The following ACSS3 variants were observed in gnomAD, a reference collection of about 807,000 sequenced individuals.
ACSS3 encodes the protein acyl-CoA synthetase short-chain family member 3, mitochondrial.
ACSS3 carries 64 observed loss-of-function variants against 84.2 expected under a neutral mutation model. That is an observed-to-expected ratio of 0.76 (90% CI 0.62 to 0.94). ACSS3 has a LOEUF of 0.94. Among genes scored for constraint, ACSS3 ranks in the 40% least tolerant of loss-of-function variants. The probability of loss-of-function intolerance (pLI) is 0.00; values close to 1 mark genes in which losing one functional copy is unlikely to be tolerated. For synonymous variants in ACSS3, 317 were observed against 310.1 expected (o/e 1.02, Z -0.23); for missense variants, 815 against 867.6 (o/e 0.94, Z 0.76).
chr12:81,112,790 C>T (rs930569404), intron 2 of ACSS3, among the ~76,000 whole-genome samples: 1 of 152,126 alleles, frequency 6.6e-6, no homozygotes, highest in Non-Finnish European at 1.5e-5. Context: ...GTTTTACTCT[C>T]CCATGTTTCA....
At chr12:81,167,604 G>A (rs966430570) in intron 7 of ACSS3, among the ~76,000 whole-genome samples, 4 of 152,102 alleles carry the variant, frequency 2.6e-5, no homozygotes, top group Non-Finnish European at 5.9e-5. Flanking sequence ...AAGAACAGAA[G>A]GACAAAAGAG....
At chr12:81,177,157 T>A (rs2135827618) in intron 8 of ACSS3, among the ~76,000 whole-genome samples, 1 of 152,148 alleles carries the variant, frequency 6.6e-6, no homozygotes, top group East Asian at 1.9e-4. Flanking sequence ...CAAAAGAACA[T>A]ACCTCAAAAT....
chr12:81,237,360 G>C (rs1370500890), intron 13 of ACSS3, among the ~76,000 whole-genome samples: 1 of 151,576 alleles, frequency 6.6e-6, no homozygotes, highest in Non-Finnish European at 1.5e-5. Context: ...TGTTTCAAGA[G>C]TCTCAGGAGG....
At position 81,227,887 on chromosome 12, in the gene ACSS3, C is replaced by T. The variant is rs147655229; in HGVS notation, c.1515-3170C>T. Among the ~76,000 whole-genome samples the T allele has an allele frequency of 7.9e-5, 12 of 151,710 alleles. No individual in the cohort carries two copies. In the East Asian group the frequency reaches 2.3e-3, roughly 30 times the overall value. ...TTAGTTTTATCTCTTTTATTTCTTCCCCCACTTCTCACTCTTTTTCTTATT... is the reference window on the plus strand; with the variant it reads ...TTAGTTTTATCTCTTTTATTTCTTCTCCCACTTCTCACTCTTTTTCTTATT... On this transcript the variant is annotated intron_variant, in intron 11 of 15. Transcript: ENST00000548058.
intron 1 of ACSS3, among the ~76,000 whole-genome samples, chr12:81,108,813 C>A (rs1318591792): frequency 6.6e-6 from 1 of 152,058 alleles, no homozygotes; most frequent in African/African-American, 2.4e-5. Flanking sequence ...TTCTAATTCC[C>A]ATTTTACTAA....
Position 81,254,927 on chromosome 12 carries a change from T to C in ACSS3, c.*5T>C. On this transcript the variant is annotated 3_prime_UTR_variant, in exon 16 of 16. Transcript: ENST00000548058. ...GAAATGCTGAAGCAAGCATAATGAG[T>C]TTGTCTTATTCCTATTTTGAGTTGA... The C allele has an allele frequency of 6.3e-7, 1 of 1,589,816 alleles. No individual in the cohort carries two copies. The highest frequency in any genetic ancestry group is 1.4e-5 in the African/African-American group (1 of 74,024).
intron 7 of ACSS3, among the ~76,000 whole-genome samples, chr12:81,161,729 G>A (rs1027462871): frequency 1.4e-4 from 21 of 152,184 alleles, no homozygotes; most frequent in African/African-American, 4.6e-4. Flanking sequence ...CTGGCAGGCT[G>A]TGCTCAGCTT....
intron 13 of ACSS3, among the ~76,000 whole-genome samples, chr12:81,252,465 G>A (rs751549268): frequency 6.6e-6 from 1 of 151,996 alleles, no homozygotes; most frequent in Non-Finnish European, 1.5e-5. Context: ...TGTGCTGTTG[G>A]TTAAAAGTTT....
intron 13 of ACSS3, among the ~76,000 whole-genome samples, chr12:81,241,693 T>C (rs2033808819): frequency 6.6e-6 from 1 of 152,174 alleles, no homozygotes; most frequent in South Asian, 2.1e-4. Flanking sequence ...GTTTGTTTTT[T>C]TCTTGTAAAT....
chr12:81,229,964 A>C (rs891964320), intron 11 of ACSS3, among the ~76,000 whole-genome samples: 11 of 151,842 alleles, frequency 7.2e-5, no homozygotes, highest in African/African-American at 2.4e-4. Flanking sequence ...CAGTGCCATG[A>C]AGTTCTAATG....
At chr12:81,201,103 A>G (rs1018383611) in intron 9 of ACSS3, among the ~76,000 whole-genome samples, 24 of 152,222 alleles carry the variant, frequency 1.6e-4, no homozygotes, top group South Asian at 1.0e-3. Flanking sequence ...AATACAAAGT[A>G]TAAGAAGGAA....
intron 9 of ACSS3, among the ~76,000 whole-genome samples, chr12:81,210,013 C>T (rs1314310160): frequency 2.6e-5 from 4 of 152,174 alleles, no homozygotes; most frequent in Non-Finnish European, 5.9e-5. Context: ...TTACCTCTTG[C>T]TGTTTTATCA....
chr12:81,152,927 C>A (rs1170054783), intron 7 of ACSS3, among the ~76,000 whole-genome samples: 1 of 152,048 alleles, frequency 6.6e-6, no homozygotes, highest in Non-Finnish European at 1.5e-5. Context: ...ATTATAACAT[C>A]CATAACTTAA....
At chr12:81,224,524 A>G (rs1326223660) in intron 11 of ACSS3, among the ~76,000 whole-genome samples, 2 of 150,736 alleles carry the variant, frequency 1.3e-5, no homozygotes, top group Non-Finnish European at 3.0e-5. Flanking sequence ...TCACATGTTT[A>G]CATATATATA....
rs1885924843 is a variant in ACSS3 at position 81,138,523 on chromosome 12, TAA to T, written c.646-606_646-605del. On this transcript the variant is annotated intron_variant, in intron 3 of 15. Coordinates refer to ENST00000548058, the MANE Select transcript of ACSS3 (RefSeq NM_024560.4). The stretch of plus-strand genomic sequence containing the variant: ...AAGAATGACTTAACAAGTTGGCAGG[TAA>T]AGAGTATAAAGTGTATCTTAAGGAC... 2.6e-5 allele frequency among the ~76,000 whole-genome samples: 4 copies of T among 152,314 alleles called. 1 individual carries two copies. The South Asian group carries it at 8.3e-4, about 32-fold the overall frequency.
intron 1 of ACSS3, among the ~76,000 whole-genome samples, chr12:81,085,822 A>G (rs919834527): frequency 6.6e-6 from 1 of 152,224 alleles, no homozygotes; most frequent in Non-Finnish European, 1.5e-5. Flanking sequence ...AGTTTCCTGA[A>G]GTTGATGGTT....
At chr12:81,231,384 A>G (rs2033460334) in intron 12 of ACSS3, among the ~76,000 whole-genome samples, 1 of 151,812 alleles carries the variant, frequency 6.6e-6, no homozygotes, top group South Asian at 2.1e-4. Context: ...TTTTCCTAGA[A>G]TTTAATAGTC....
intron 8 of ACSS3, among the ~76,000 whole-genome samples, chr12:81,192,459 C>A (rs1374039053): frequency 6.6e-6 from 1 of 152,090 alleles, no homozygotes; most frequent in African/African-American, 2.4e-5. Flanking sequence ...GTTTTAATAT[C>A]CCCACAGAGT....
intron 2 of ACSS3, among the ~76,000 whole-genome samples, chr12:81,117,733 C>G (rs1884168321): frequency 6.6e-6 from 1 of 152,108 alleles, no homozygotes; most frequent in Admixed American, 6.6e-5. Context: ...GATGAAGAGA[C>G]TGTAGTAGAT....
Sources: allele counts gnomAD v4.1 joint callset (sites outside exome capture counted in the v4.1 genomes callset), GRCh38; gene constraint gnomAD v4.1.1; transcripts MANE v1.5; gene names NCBI Gene and HGNC (gene_info 2026-07-23, HGNC 2026-07-21).